Variants in KCND2 observed in about 807,000 individuals in gnomAD.
The protein encoded by KCND2 is A-type voltage-gated potassium channel KCND2.
In KCND2, 16 loss-of-function variants were observed where a neutral mutation model predicts 54.4. That is an observed-to-expected ratio of 0.29 (90% CI 0.20 to 0.45). KCND2 has a LOEUF of 0.45. Among genes scored for constraint, KCND2 ranks in the 20% least tolerant of loss-of-function variants. The pLI, the probability that KCND2 is intolerant of heterozygous loss-of-function variation, is 1.00. For synonymous variants in KCND2, 317 were observed against 310.7 expected, an observed-to-expected ratio of 1.02 and a Z score of -0.21; for missense variants, 486 against 824.2, an observed-to-expected ratio of 0.59 and a Z score of 5.02.
intron 1 of KCND2, among the ~76,000 whole-genome samples, chr7:120,430,828 A>G (rs547397048): frequency 6.6e-5 from 10 of 152,306 alleles, no homozygotes; most frequent in African/African-American, 2.4e-4. Flanking sequence ...CTTTACAACC[A>G]CACCACTATT....
rs774822738 is a variant in KCND2, at chr7:120,619,051, C to T, written c.1116-113852C>T. Among the ~76,000 whole-genome samples the T allele has an allele frequency of 6.1e-4, 93 of 152,236 alleles. 1 individual carries two copies. The highest frequency in any genetic ancestry group is 2.5e-4 in the Non-Finnish European group (17 of 68,018). ...ATCATTATTTATTTACTTTCTCTCCCAAGGAATGTTTGGAAATATTTGAGA... is the reference window on the plus strand; with the variant it reads ...ATCATTATTTATTTACTTTCTCTCCTAAGGAATGTTTGGAAATATTTGAGA... On this transcript the variant is annotated intron_variant, in intron 1 of 5. Transcript: ENST00000331113.
intron 1 of KCND2, among the ~76,000 whole-genome samples, chr7:120,459,552 C>T (rs757486894): frequency 6.6e-6 from 1 of 152,084 alleles, no homozygotes; most frequent in Non-Finnish European, 1.5e-5. Context: ...TGTATAACTC[C>T]TCCTTTAACA....
chr7:120,617,678 A>G (rs148345393), intron 1 of KCND2, among the ~76,000 whole-genome samples: 1 of 152,282 alleles, frequency 6.6e-6, no homozygotes, highest in East Asian at 1.9e-4. Context: ...CATCCTACCA[A>G]AATGACACAT....
intron 1 of KCND2, among the ~76,000 whole-genome samples, chr7:120,547,789 C>T (rs1214059090): frequency 3.3e-5 from 5 of 152,022 alleles, no homozygotes; most frequent in African/African-American, 9.7e-5. Context: ...AATGTCATCA[C>T]GTGATTGATG....
At chr7:120,431,596 G>A (rs1178364036) in intron 1 of KCND2, among the ~76,000 whole-genome samples, 1 of 152,084 alleles carries the variant, frequency 6.6e-6, no homozygotes, top group Non-Finnish European at 1.5e-5. Flanking sequence ...AGATGAGAAG[G>A]GATAGTTGTT....
intron 1 of KCND2, among the ~76,000 whole-genome samples, chr7:120,659,200 A>G (rs1412731433): frequency 1.3e-5 from 2 of 152,200 alleles, no homozygotes; most frequent in Non-Finnish European, 2.9e-5. Flanking sequence ...GAGACTTCAC[A>G]GTTTCCCTCT....
chr7:120,330,048 A>G (rs1363192075), intron 1 of KCND2, among the ~76,000 whole-genome samples: 1 of 152,174 alleles, frequency 6.6e-6, no homozygotes, highest in Non-Finnish European at 1.5e-5. Flanking sequence ...GTAAATAAAA[A>G]AAAGGTCTAT....
chr7:120,373,781 A>G (rs558083579), intron 1 of KCND2, among the ~76,000 whole-genome samples: 2 of 151,972 alleles, frequency 1.3e-5, no homozygotes, highest in African/African-American at 4.8e-5. Context: ...GGAGGAGAGT[A>G]TTAAATTTGA....
intron 1 of KCND2, among the ~76,000 whole-genome samples, chr7:120,587,191 T>C (rs1438143745): frequency 6.6e-6 from 1 of 152,166 alleles, no homozygotes; most frequent in Non-Finnish European, 1.5e-5. Flanking sequence ...TCAAATGTGC[T>C]CTAATAGACT....
At chr7:120,457,467 C>T (rs1272223306) in intron 1 of KCND2, among the ~76,000 whole-genome samples, 1 of 152,182 alleles carries the variant, frequency 6.6e-6, no homozygotes, top group African/African-American at 2.4e-5. Flanking sequence ...TTCCACATAT[C>T]TCTAGGGCAG....
At position 120,381,324 on chromosome 7, in the gene KCND2, G is replaced by C. The variant is rs181193575; in HGVS notation, c.1115+105577G>C. On this transcript the variant is annotated intron_variant, in intron 1 of 5. Transcript: ENST00000331113. ...TAAAGTTTTGAAAAATTCTCAGCAT[G>C]CATTGCTAAAGAAAGAGGTAACAAA... is the stretch of plus-strand genomic sequence containing the variant. Among the ~76,000 whole-genome samples, 3 of 152,108 alleles carry C rather than the reference G, an allele frequency of 2.0e-5. No homozygotes were observed. In the East Asian group the frequency reaches 5.8e-4, roughly 29 times the overall value.
chr7:120,561,905 C>T (rs549798891), intron 1 of KCND2, among the ~76,000 whole-genome samples: 12 of 152,264 alleles, frequency 7.9e-5, no homozygotes, highest in African/African-American at 2.9e-4. Context: ...CGCCACTGCA[C>T]CCGGCCGCTA....
intron 1 of KCND2, among the ~76,000 whole-genome samples, chr7:120,709,020 C>A (rs771164897): frequency 3.9e-5 from 6 of 152,076 alleles, no homozygotes; most frequent in Non-Finnish European, 7.4e-5. Flanking sequence ...AAATCAAATT[C>A]TCTGTGTATT....
chr7:120,293,909 G>T (rs148727497), intron 1 of KCND2, among the ~76,000 whole-genome samples: 1 of 151,896 alleles, frequency 6.6e-6, no homozygotes, highest in Non-Finnish European at 1.5e-5. Context: ...GAGTCTAGAT[G>T]TAGAAATGCT....
chr7:120,359,676 G>A (rs540144917), intron 1 of KCND2, among the ~76,000 whole-genome samples: 8 of 152,052 alleles, frequency 5.3e-5, no homozygotes, highest in Middle Eastern at 6.3e-3. Flanking sequence ...GCATCAAAAA[G>A]CTTTTGAGCA....
At chr7:120,402,154 T>C (rs1403156500) in intron 1 of KCND2, among the ~76,000 whole-genome samples, 1 of 152,210 alleles carries the variant, frequency 6.6e-6, no homozygotes, top group African/African-American at 2.4e-5. Flanking sequence ...TTCTAATGCT[T>C]TGTATTTCAT....
At chr7:120,284,170 A>C (rs2116261445) in intron 1 of KCND2, among the ~76,000 whole-genome samples, 1 of 152,246 alleles carries the variant, frequency 6.6e-6, no homozygotes, top group Non-Finnish European at 1.5e-5. Flanking sequence ...TCACTTTAGC[A>C]TGCTGTTTCC....
At chr7:120,608,805 G>A (rs188121192) in intron 1 of KCND2, among the ~76,000 whole-genome samples, 17 of 152,182 alleles carry the variant, frequency 1.1e-4, no homozygotes, top group Non-Finnish European at 1.6e-4. Flanking sequence ...AAGTTTAGAC[G>A]AGAGGCTGAT....
At chr7:120,705,759 C>T (rs1243582154) in intron 1 of KCND2, among the ~76,000 whole-genome samples, 2 of 152,120 alleles carry the variant, frequency 1.3e-5, no homozygotes, top group Non-Finnish European at 2.9e-5. Context: ...TAAGGTTACA[C>T]AGCATTTCAT....
Sources: gnomAD v4.1 joint callset for allele counts (sites outside exome capture counted in the v4.1 genomes callset) on GRCh38, gnomAD v4.1.1 for gene constraint, MANE v1.5 for transcripts, NCBI Gene and HGNC (gene_info 2026-07-23, HGNC 2026-07-21) for gene names.